SLC35D4: variants seen among roughly 807,000 people sequenced by gnomAD.
SLC35D4 encodes UDP-N-acetylglucosamine transporter SLC35D4.
chr18:23,329,467 A>G, the SLC35D4 span, among the ~76,000 whole-genome samples: 5 of 152,228 alleles, frequency 3.3e-5, no homozygotes, highest in Non-Finnish European at 5.9e-5. Context: ...GCTCATCATC[A>G]CTGGTCATCA....
At chr18:23,383,757 T>A in the SLC35D4 span, among the ~76,000 whole-genome samples, 2 of 151,786 alleles carry the variant, frequency 1.3e-5, no homozygotes, top group Non-Finnish European at 2.9e-5. Context: ...GGAGAGCCCA[T>A]CCTCTCCTTG....
At chr18:23,238,874 C>A in the SLC35D4 span, among the ~76,000 whole-genome samples, 10 of 152,182 alleles carry the variant, frequency 6.6e-5, no homozygotes, top group Admixed American at 2.0e-4. Context: ...CAGTCAGCCC[C>A]ACAACTGCCG....
chr18:23,431,153 C>CAAAAAAAAAAAAAAAAA, the SLC35D4 span, among the ~76,000 whole-genome samples: 1 of 66,246 alleles, frequency 1.5e-5, no homozygotes, highest in Non-Finnish European at 2.7e-5. Flanking sequence ...GAGTATATCT[C>CAAAAAAAAAAAAAAAAA]AAAAAAAAAA....
the SLC35D4 span, among the ~76,000 whole-genome samples, chr18:23,354,368 A>G: frequency 3.0e-5 from 4 of 134,942 alleles, no homozygotes; most frequent in Non-Finnish European, 4.8e-5. Flanking sequence ...AAAAAAAAAG[A>G]AAATTAGCCT....
chr18:23,335,999 A>G, the SLC35D4 span, among the ~76,000 whole-genome samples: 1 of 152,082 alleles, frequency 6.6e-6, no homozygotes, highest in Non-Finnish European at 1.5e-5. Context: ...TATTTTTGCA[A>G]CACAGAAGAT....
chr18:23,345,465 G>A, the SLC35D4 span, among the ~76,000 whole-genome samples: 2 of 123,230 alleles, frequency 1.6e-5, no homozygotes, highest in African/African-American at 3.3e-5. Flanking sequence ...CTGGGCGACA[G>A]AGGGAGACTC....
At chr18:23,316,124 C>CCAA in the SLC35D4 span, among the ~76,000 whole-genome samples, 1 of 152,158 alleles carries the variant, frequency 6.6e-6, no homozygotes, top group East Asian at 1.9e-4. Flanking sequence ...TCTTCTATAC[C>CCAA]CTCCAACTCC....
At chr18:23,307,997 G>A in the SLC35D4 span, among the ~76,000 whole-genome samples, 3 of 152,172 alleles carry the variant, frequency 2.0e-5, no homozygotes, top group African/African-American at 7.2e-5. Context: ...ATACCCCCAG[G>A]GTCCTGCGCA....
chr18:23,265,754 A>T, the SLC35D4 span, among the ~76,000 whole-genome samples: 1 of 152,050 alleles, frequency 6.6e-6, no homozygotes, highest in African/African-American at 2.4e-5. Context: ...GACCAAAAAG[A>T]AATCTCTCTC....
chr18:23,419,323 G>A, the SLC35D4 span, among the ~76,000 whole-genome samples: 24 of 150,768 alleles, frequency 1.6e-4, no homozygotes, highest in Non-Finnish European at 1.5e-4. Context: ...ACGGAGTTTC[G>A]CTCTTACAAC....
At chr18:23,247,941 C>T in the SLC35D4 span, among the ~76,000 whole-genome samples, 2 of 152,244 alleles carry the variant, frequency 1.3e-5, no homozygotes, top group Non-Finnish European at 2.9e-5. Flanking sequence ...ATGGGCCCTC[C>T]CTGCCCACTC....
At chr18:23,397,558 C>T in the SLC35D4 span, among the ~76,000 whole-genome samples, 5 of 152,290 alleles carry the variant, frequency 3.3e-5, no homozygotes, top group African/African-American at 9.6e-5. Flanking sequence ...CCATTCGTGA[C>T]ATAGGTTTCT....
the SLC35D4 span, among the ~76,000 whole-genome samples, chr18:23,364,176 G>C: frequency 1.8e-4 from 28 of 152,158 alleles, no homozygotes; most frequent in Admixed American, 1.5e-3. Context: ...TAAGCACAGG[G>C]TAAGAGCTAG....
the SLC35D4 span, among the ~76,000 whole-genome samples, chr18:23,291,287 A>G: frequency 6.6e-6 from 1 of 152,348 alleles, no homozygotes; most frequent in South Asian, 2.1e-4. Flanking sequence ...AGAAGAACAG[A>G]GTTCAAGGGT....
chr18:23,359,112 C>T, the SLC35D4 span, among the ~76,000 whole-genome samples: 12 of 152,132 alleles, frequency 7.9e-5, no homozygotes, highest in Admixed American at 2.6e-4. Context: ...CAAGGCTGGG[C>T]GCGGTGGCTG....
chr18:23,257,178 G>C, the SLC35D4 span: 2 of 1,600,850 alleles, frequency 1.2e-6, no homozygotes, highest in Non-Finnish European at 1.7e-6. Flanking sequence ...AGAAAGACTA[G>C]GATTTTAATT....
chr18:23,262,148 C>A, the SLC35D4 span, among the ~76,000 whole-genome samples: 2 of 152,080 alleles, frequency 1.3e-5, no homozygotes, highest in Non-Finnish European at 2.9e-5. Flanking sequence ...TTCTTTAATA[C>A]CAAAAAGAAT....
the SLC35D4 span, among the ~76,000 whole-genome samples, chr18:23,424,393 C>G: frequency 6.6e-6 from 1 of 152,176 alleles, no homozygotes; most frequent in Admixed American, 6.5e-5. Flanking sequence ...TTACTCTGCC[C>G]TACCAGACAC....
chr18:23,415,905 T>C, the SLC35D4 span, among the ~76,000 whole-genome samples: 3 of 152,134 alleles, frequency 2.0e-5, no homozygotes, highest in Admixed American at 2.0e-4. Context: ...TATGGCCTCT[T>C]TGCAATATAA....
Sources: gnomAD v4.1 joint callset for allele counts (sites outside exome capture counted in the v4.1 genomes callset) on GRCh38, gnomAD v4.1.1 for gene constraint, MANE v1.5 for transcripts, NCBI Gene and HGNC (gene_info 2026-07-23, HGNC 2026-07-21) for gene names.